Variants in PPP4R1 observed in about 807,000 individuals in gnomAD.
PPP4R1 encodes the protein protein phosphatase 4 regulatory subunit 1, also known as serine/threonine-protein phosphatase 4 regulatory subunit 1.
In PPP4R1, 42 loss-of-function variants were observed where a neutral mutation model predicts 111.2. That is an observed-to-expected ratio of 0.38 (90% CI 0.29 to 0.49). The LOEUF (loss-of-function observed/expected upper bound fraction) is 0.49, where lower values mean the gene tolerates loss of function less well. Ranked by LOEUF, PPP4R1 falls within the 20% of genes least tolerant of loss-of-function variation. The pLI is 0.97. For synonymous variants in PPP4R1, 409 were observed against 405.5 expected, an observed-to-expected ratio of 1.01 and a Z score of -0.10; for missense variants, 1,012 against 1,161.6, an observed-to-expected ratio of 0.87 and a Z score of 1.87.
At chr18:9,550,028 A>T (rs2066463893) in intron 18 of PPP4R1, 24 bp downstream of exon 18, 1 of 1,613,690 alleles carries the variant, frequency 6.2e-7, no homozygotes, top group East Asian at 2.2e-5. Flanking sequence ...ACTCACAAAC[A>T]GGTAAGCCCA....
intron 11 of PPP4R1, among the ~76,000 whole-genome samples, chr18:9,566,728 G>A (rs1204088906): frequency 6.6e-6 from 1 of 151,440 alleles, no homozygotes; most frequent in Non-Finnish European, 1.5e-5. Flanking sequence ...AAAATCCTGG[G>A]GCCCTTAAGA....
chr18:9,574,663 G>A (rs2066910755), intron 10 of PPP4R1, among the ~76,000 whole-genome samples: 1 of 152,200 alleles, frequency 6.6e-6, no homozygotes, highest in South Asian at 2.1e-4. Context: ...ACGCCACACT[G>A]CATGGCCGGG....
intron 2 of PPP4R1, among the ~76,000 whole-genome samples, chr18:9,600,874 G>A (rs1417021581): frequency 6.6e-6 from 1 of 151,268 alleles, no homozygotes; most frequent in Admixed American, 6.6e-5. Flanking sequence ...GAGTGAGAAT[G>A]TCTCAAAAAA....
At chr18:9,572,159 G>C (rs2066872829) in intron 10 of PPP4R1, among the ~76,000 whole-genome samples, 1 of 152,160 alleles carries the variant, frequency 6.6e-6, no homozygotes, top group African/African-American at 2.4e-5. Flanking sequence ...ATCCACGTTG[G>C]GTTCTAGGTG....
At chr18:9,558,426 T>C (rs546706118) in intron 14 of PPP4R1, among the ~76,000 whole-genome samples, 3 of 152,322 alleles carry the variant, frequency 2.0e-5, no homozygotes, top group South Asian at 2.1e-4. Context: ...TCTATGGAAA[T>C]TGGGCCTTTG....
Position 9,563,358 on chromosome 18 carries a change from C to T in PPP4R1, c.1746+20G>A. ...ATTCAAACTACTCTCATTTGGTAAA[C>T]ACTTTACTGAGTTTGTTACCTCAAC... is the stretch of plus-strand genomic sequence containing the variant. On this transcript the variant is annotated intron_variant, in intron 12 of 19. Transcript: ENST00000400556. 1.3e-6 allele frequency: 2 copies of T among 1,586,752 alleles called. No individual in the cohort carries two copies. Among genetic ancestry groups the T allele is most frequent in the East Asian group, 2.2e-5 (1 of 44,490 alleles).
intron 10 of PPP4R1, among the ~76,000 whole-genome samples, chr18:9,571,494 T>C (rs147349449): frequency 4.0e-4 from 61 of 152,366 alleles, no homozygotes; most frequent in African/African-American, 1.5e-3. Context: ...GATGCAGCTC[T>C]TGATCTTGAG....
chr18:9,601,136 T>C (rs1287797492), intron 2 of PPP4R1, among the ~76,000 whole-genome samples: 1 of 151,562 alleles, frequency 6.6e-6, no homozygotes, highest in Admixed American at 6.6e-5. Context: ...TTTAATGTTA[T>C]CTGAATTTTT....
rs770603669 is a variant in PPP4R1, at chr18:9,570,650, T to C, written c.1080A>G (p.Gln360=). 6.3e-7 allele frequency: 1 copy of C among 1,594,558 alleles called. No individual in the cohort carries two copies. The highest frequency in any genetic ancestry group is 2.2e-5 in the East Asian group (1 of 44,570). The change falls in exon 11 of 20, where the codon CAA becomes CAG. Residue 360 remains glutamine (Q), a synonymous_variant. Transcript: ENST00000400556. ...TRDQEAPEDV[Q]VRPEDTPSDL... ...CTGAAGGAGTATCCTCTGGCCTGAC[T>C]TGTACATCCTCTGGGGCTTCTTGAT...
chr18:9,566,799 C>G (rs1432079619), intron 11 of PPP4R1, among the ~76,000 whole-genome samples: 1 of 152,142 alleles, frequency 6.6e-6, no homozygotes, highest in Non-Finnish European at 1.5e-5. Context: ...TGGATGAGAG[C>G]AGATCTATTT....
In PPP4R1 at chr18:9,588,869, C is replaced by T. The variant is rs2067164738; in HGVS notation, c.296-16G>A. ...ACAGTTGGTTCTATTGAAATAACGG[C>T]AATGTGAGCAAACATGTTCTCCTGC... On this transcript the variant is annotated splice_polypyrimidine_tract_variant and intron_variant, in intron 4 of 19. Transcript: ENST00000400556. 6.2e-7 allele frequency: 1 copy of T among 1,610,042 alleles called. No individual in the cohort carries two copies. Among genetic ancestry groups the T allele is most frequent in the African/African-American group, 1.3e-5 (1 of 74,676 alleles).
intron 4 of PPP4R1, chr18:9,589,881 G>C (rs1431719197): frequency 6.6e-6 from 1 of 152,344 alleles, no homozygotes; most frequent in Non-Finnish European, 1.5e-5. Context: ...CTGGGCAACA[G>C]AGCAAGACTC....
upstream of PPP4R1, among the ~76,000 whole-genome samples, chr18:9,615,500 T>C (rs1473422569): frequency 6.6e-6 from 1 of 152,248 alleles, no homozygotes; most frequent in African/African-American, 2.4e-5. Flanking sequence ...TTGGCAGCAC[T>C]TGAGGTGTTA....
At chr18:9,592,574 G>A (rs1394474851) in intron 4 of PPP4R1, among the ~76,000 whole-genome samples, 5 of 151,418 alleles carry the variant, frequency 3.3e-5, no homozygotes, top group African/African-American at 1.2e-4. Flanking sequence ...AGTATGTACT[G>A]TTTGATGTAT....
At chr18:9,564,712 G>C (rs12327541) in intron 11 of PPP4R1, among the ~76,000 whole-genome samples, 23,464 of 84,900 alleles carry the variant, frequency 0.28, 2,440 homozygotes, top group African/African-American at 0.4. Context: ...GTGTGTGTGT[G>C]TGTGTGTGTG....
chr18:9,602,984 TAATGTCTGCA>T (rs1350018777), intron 2 of PPP4R1, among the ~76,000 whole-genome samples: 1 of 152,220 alleles, frequency 6.6e-6, no homozygotes, highest in Non-Finnish European at 1.5e-5. Context: ...GACACAGTGA[TAATGTCTGCA>T]AATGTCTGCA....
chr18:9,550,541 C>T, intron 16 of PPP4R1, 143 bp from the exon 17 acceptor site: 1 of 897,200 alleles, frequency 1.1e-6, no homozygotes, highest in Non-Finnish European at 1.7e-6. Flanking sequence ...AAGCAGACCT[C>T]TCCTGTACAG....
intron 2 of PPP4R1, among the ~76,000 whole-genome samples, chr18:9,595,369 C>G (rs1375503116): frequency 3.9e-5 from 6 of 152,188 alleles, no homozygotes; most frequent in Admixed American, 1.3e-4. Flanking sequence ...CAAAGTTCTA[C>G]TTGGCTCTAA....
At chr18:9,593,967 G>T in intron 3 of PPP4R1, 93 bp from the exon 4 acceptor site, 1 of 958,560 alleles carries the variant, frequency 1.0e-6, no homozygotes, top group East Asian at 2.6e-5. Context: ...CATTCCTGTT[G>T]CCCAGGCCGG....
Sources: allele counts gnomAD v4.1 joint callset (sites outside exome capture counted in the v4.1 genomes callset), GRCh38; gene constraint gnomAD v4.1.1; transcripts MANE v1.5; gene names NCBI Gene and HGNC (gene_info 2026-07-23, HGNC 2026-07-21).